LRP12: variants seen among roughly 807,000 people sequenced by gnomAD.
The protein encoded by LRP12 is low-density lipoprotein receptor-related protein 12.
A neutral mutation model predicts 66.0 loss-of-function variants in LRP12; 14 were observed. The observed-to-expected ratio is 0.21, with a 90% confidence interval of 0.14 to 0.33. The LOEUF is 0.33. Ranked by LOEUF, LRP12 falls within the 10% of genes least tolerant of loss-of-function variation. LRP12 has a pLI of 1.00. For missense variants in LRP12, 889 were observed against 1,053.4 expected (o/e 0.84, Z 2.16); for synonymous variants, 357 against 359.1 (o/e 0.99, Z 0.07).
At chr8:104,547,625 A>ATTT (rs1207690725) in intron 1 of LRP12, among the ~76,000 whole-genome samples, 16 of 125,874 alleles carry the variant, frequency 1.3e-4, no homozygotes, top group Non-Finnish European at 9.4e-5. Flanking sequence ...ATATATTAAT[A>ATTT]TATAATAAAT....
chr8:104,555,317 T>C (rs530534988), intron 1 of LRP12, among the ~76,000 whole-genome samples: 2 of 152,252 alleles, frequency 1.3e-5, no homozygotes, highest in Non-Finnish European at 2.9e-5. Flanking sequence ...TACCTCGCAT[T>C]TCAATACCAA....
chr8:104,496,054 T>G (rs1378864457), intron 5 of LRP12: 2 of 152,206 alleles, frequency 1.3e-5, no homozygotes, highest in Non-Finnish European at 2.9e-5. Flanking sequence ...TATTTGTAAT[T>G]CTCCTGGGAC....
intron 5 of LRP12, 22 bp downstream of exon 5, chr8:104,496,950 A>G (rs1810738102): frequency 1.3e-6 from 2 of 1,490,232 alleles, no homozygotes; most frequent in Non-Finnish European, 1.8e-6. Flanking sequence ...TTGAGGCCCA[A>G]TAGTTCTGTC....
intron 2 of LRP12, among the ~76,000 whole-genome samples, chr8:104,529,889 A>G (rs1324871303): frequency 6.6e-6 from 1 of 152,204 alleles, no homozygotes; most frequent in Non-Finnish European, 1.5e-5. Flanking sequence ...AAAGGCTATT[A>G]AAATATTCCT....
In LRP12 at chr8:104,548,938, A is replaced by AAAATAAATAAATAAATAAAT. The variant is rs558517655; in HGVS notation, c.80-16995_80-16976dup. On this transcript the variant is annotated intron_variant, in intron 1 of 6. Coordinates refer to ENST00000276654, the MANE Select transcript of LRP12 (RefSeq NM_013437.5). ...GGACAACAAGAGCAAAACTCCGTCA[A>AAAATAAATAAATAAATAAAT]AAATAAATAAATAAATAAATAAATA... Among the ~76,000 whole-genome samples, 391 of 151,398 alleles carry AAAATAAATAAATAAATAAAT rather than the reference A, an allele frequency of 2.6e-3. 6 individuals carry two copies. Among genetic ancestry groups the AAAATAAATAAATAAATAAAT allele is most frequent in the African/African-American group, 9.0e-3 (370 of 41,014 alleles).
At chr8:104,527,663 C>G (rs552017712) in intron 2 of LRP12, among the ~76,000 whole-genome samples, 2 of 151,904 alleles carry the variant, frequency 1.3e-5, no homozygotes, top group African/African-American at 2.4e-5. Context: ...AGGGGAACAT[C>G]ACACTCTGGG....
At chr8:104,503,881 ACAT>A (rs1810867689) in intron 3 of LRP12, among the ~76,000 whole-genome samples, 1 of 152,172 alleles carries the variant, frequency 6.6e-6, no homozygotes, top group African/African-American at 2.4e-5. Flanking sequence ...GTAAAAGCAC[ACAT>A]TTTTGTCTTG....
At chr8:104,500,372 C>A (rs1469984170) in intron 3 of LRP12, among the ~76,000 whole-genome samples, 1 of 152,162 alleles carries the variant, frequency 6.6e-6, no homozygotes, top group Non-Finnish European at 1.5e-5. Context: ...AGCTGATAGA[C>A]AATTTGATTG....
chr8:104,518,672 A>G (rs1446928997), intron 2 of LRP12, among the ~76,000 whole-genome samples: 2 of 152,114 alleles, frequency 1.3e-5, no homozygotes, highest in East Asian at 3.9e-4. Context: ...GCTACACATT[A>G]TCTAAGAACT....
At chr8:104,565,367 G>A (rs1186656833) in intron 1 of LRP12, among the ~76,000 whole-genome samples, 2 of 152,074 alleles carry the variant, frequency 1.3e-5, no homozygotes, top group East Asian at 3.9e-4. Flanking sequence ...ATAGAAATAG[G>A]AAATTACAAG....
Position 104,589,040 on chromosome 8 carries a change from G to A in LRP12, c.-143C>T, listed in dbSNP as rs1244671654. Reference sequence around the variant, plus strand: ...CCTGCGCTCTCCGCGGCTGCGGGAGGGGGAAGGGAGGGGCCGCCGCCGCCC... The same window carrying A: ...CCTGCGCTCTCCGCGGCTGCGGGAGAGGGAAGGGAGGGGCCGCCGCCGCCC... On this transcript the variant is annotated 5_prime_UTR_variant, in exon 1 of 7. Transcript: ENST00000276654. The A allele has an allele frequency of 1.4e-5, 6 of 414,044 alleles. No homozygotes were observed. Among genetic ancestry groups the A allele is most frequent in the Admixed American group, 5.2e-5 (1 of 19,352 alleles). The allele number at this position is 414,044 out of a possible 1,614,324, so 25.6% of individuals were successfully genotyped here.
chr8:104,556,658 G>A (rs186056095), intron 1 of LRP12, among the ~76,000 whole-genome samples: 9 of 152,190 alleles, frequency 5.9e-5, no homozygotes, highest in Admixed American at 3.3e-4. Context: ...AAGACCAGAC[G>A]GATTCACAGC....
chr8:104,512,004 G>C (rs1025238859), intron 2 of LRP12, among the ~76,000 whole-genome samples: 3 of 151,940 alleles, frequency 2.0e-5, no homozygotes, highest in African/African-American at 4.8e-5. Flanking sequence ...GTATCCAAAT[G>C]TAATTCTTTA....
chr8:104,548,595 TA>T (rs1811672376), intron 1 of LRP12, among the ~76,000 whole-genome samples: 4 of 71,574 alleles, frequency 5.6e-5, no homozygotes, highest in Non-Finnish European at 8.6e-5. Flanking sequence ...TTGTATATAA[TA>T]TAGAATTATA....
Position 104,497,521 on chromosome 8 carries a change from A to G in LRP12, c.1031T>C (p.Val344Ala). 2 of 1,614,140 alleles carry G rather than the reference A, an allele frequency of 1.2e-6. No homozygotes were observed. Among genetic ancestry groups the G allele is most frequent in the Non-Finnish European group, 1.7e-6 (2 of 1,180,014 alleles). The stretch of plus-strand genomic sequence containing the variant: ...TACCCTTATCTGTCCAGAAGAAGAA[A>G]CAACTGTAAGAGGTGCATGAGAATC... ...AFDSHAPLTV[V>A]SSSGQIRVHF... The change falls in exon 5 of 7, where the codon GTT (valine) becomes GCT (alanine). Residue 344 changes from valine to alanine, a missense_variant. Val to Ala is a moderately conservative substitution (Grantham distance 64). Around this residue, in one of 3 missense-constraint regions of LRP12, gnomAD observed 800 missense variants for 964.5 expected, o/e 0.83. Coordinates refer to ENST00000276654, the MANE Select transcript of LRP12 (RefSeq NM_013437.5). This position sits in a 1 kb window ranked among gnomAD's most constrained non-coding sequence, Gnocchi z 4.3.
chr8:104,514,115 A>G (rs1005963531), intron 2 of LRP12, among the ~76,000 whole-genome samples: 1 of 152,160 alleles, frequency 6.6e-6, no homozygotes, highest in Non-Finnish European at 1.5e-5. Context: ...TTAAAACCGG[A>G]AATTTCAGTC....
At chr8:104,498,125 T>C (rs1810767831) in intron 4 of LRP12, 49 bp from the exon 5 acceptor site, 12 of 1,484,496 alleles carry the variant, frequency 8.1e-6, no homozygotes, top group Non-Finnish European at 1.1e-5. Flanking sequence ...AGAAAAATTA[T>C]AATCTTTAAA....
intron 1 of LRP12, 65 bp downstream of exon 1, chr8:104,588,754 G>C: frequency 6.9e-7 from 1 of 1,453,064 alleles, no homozygotes; most frequent in Non-Finnish European, 9.5e-7. Flanking sequence ...CCGTCCTGGA[G>C]GCCTCGGGGC....
chr8:104,557,531 A>G lies in LRP12; in HGVS notation c.80-25568T>C, dbSNP rs1033977754. ...TCAAGGACCCAATTTGCAATAGCTA[A>G]AAAAAAAAAAAATTAGGAATATACC... On this transcript the variant is annotated intron_variant, in intron 1 of 6. Coordinates refer to ENST00000276654, the MANE Select transcript of LRP12 (RefSeq NM_013437.5). Among the ~76,000 whole-genome samples, 22 of 147,908 alleles carry G rather than the reference A, an allele frequency of 1.5e-4. No homozygotes were observed. In the East Asian group the frequency reaches 2.1e-3, roughly 14 times the overall value.
Sources: allele counts gnomAD v4.1 joint callset (sites outside exome capture counted in the v4.1 genomes callset), GRCh38; gene constraint gnomAD v4.1.1; regional missense constraint gnomAD v4.1.1; non-coding constraint Gnocchi (gnomAD v3.1); transcripts MANE v1.5; gene names NCBI Gene and HGNC (gene_info 2026-07-23, HGNC 2026-07-21).